The following CNTLN variants were observed in gnomAD, a reference collection of about 807,000 sequenced individuals.
CNTLN encodes centlein.
A neutral mutation model predicts 180.0 loss-of-function variants in CNTLN; 212 were observed. The ratio of observed to expected loss-of-function variants is 1.18; its 90% CI spans 1.05 to 1.32. The LOEUF (loss-of-function observed/expected upper bound fraction) is 1.32. CNTLN is among the 40% of genes most tolerant of loss of function. The pLI is 0.00. For synonymous variants in CNTLN, 722 were observed against 563.1 expected (o/e 1.28, Z -3.99); for missense variants, 2,095 against 1,610.9 (o/e 1.30, Z -5.14).
intron 12 of CNTLN, among the ~76,000 whole-genome samples, chr9:17,361,828 G>A (rs1296721078): frequency 6.6e-6 from 1 of 152,168 alleles, no homozygotes; most frequent in Admixed American, 6.5e-5. Context: ...TTGTCCAGTG[G>A]CCGAATACAG....
chr9:17,506,723 A>G (rs1833938383), downstream of CNTLN, among the ~76,000 whole-genome samples: 1 of 26,190 alleles, frequency 3.8e-5, no homozygotes, highest in Non-Finnish European at 1.2e-4. Flanking sequence ...ATGTTCTCAA[A>G]TAACTGTAAA....
intron 13 of CNTLN, 80 bp from the exon 14 acceptor site, chr9:17,388,082 A>T: frequency 3.5e-6 from 3 of 863,346 alleles, no homozygotes; most frequent in Non-Finnish European, 5.2e-6. Flanking sequence ...GAAAAACCAT[A>T]GAACCCTTTT....
At position 17,331,338 on chromosome 9, in the gene CNTLN, A is replaced by C. The variant is rs143530660; in HGVS notation, c.1518+530A>C. Among the ~76,000 whole-genome samples, 988 of 143,104 alleles carry C rather than the reference A, an allele frequency of 6.9e-3. 7 individuals are homozygous for C. Among genetic ancestry groups the C allele is most frequent in the African/African-American group, 0.024 (952 of 39,254 alleles). 93.9% of individuals were successfully genotyped at this position (143,104 alleles called of 152,430 possible). On this transcript the variant is annotated intron_variant, in intron 9 of 25. Coordinates refer to ENST00000380647, the MANE Select transcript of CNTLN (RefSeq NM_017738.4). ...TAAGAGAAAAATAAGCAAATTTTACATGTTTCTCGTTTATTAATGTCTCAA... is the reference window on the plus strand; with the variant it reads ...TAAGAGAAAAATAAGCAAATTTTACCTGTTTCTCGTTTATTAATGTCTCAA...
intron 10 of CNTLN, among the ~76,000 whole-genome samples, chr9:17,333,296 A>C (rs1820767020): frequency 6.6e-6 from 1 of 152,060 alleles, no homozygotes; most frequent in Non-Finnish European, 1.5e-5. Flanking sequence ...AATACTTCCT[A>C]ATTCATACTT....
intron 2 of CNTLN, among the ~76,000 whole-genome samples, chr9:17,214,692 C>T (rs1023013782): frequency 6.6e-6 from 1 of 152,166 alleles, no homozygotes; most frequent in Non-Finnish European, 1.5e-5. Context: ...TCAGGTACAC[C>T]AATTAGATGT....
intron 1 of CNTLN, among the ~76,000 whole-genome samples, chr9:17,138,831 G>A (rs912979863): frequency 6.6e-5 from 10 of 152,064 alleles, no homozygotes; most frequent in Admixed American, 2.0e-4. Flanking sequence ...GTGGGACTAG[G>A]TACCCAGTGA....
At chr9:17,199,880 T>A (rs1014706475) in intron 2 of CNTLN, among the ~76,000 whole-genome samples, 12 of 152,334 alleles carry the variant, frequency 7.9e-5, no homozygotes, top group African/African-American at 2.9e-4. Context: ...TTGTTGCAAT[T>A]GCTTTTGGTG....
intron 12 of CNTLN, 106 bp from the exon 13 acceptor site, chr9:17,366,511 T>C (rs1823830919): frequency 2.0e-6 from 1 of 501,138 alleles, no homozygotes; most frequent in Admixed American, 3.8e-5. Context: ...TTAAAATATC[T>C]TTACTGACTT....
At chr9:17,306,542 A>G (rs1818729559) in intron 7 of CNTLN, among the ~76,000 whole-genome samples, 1 of 152,166 alleles carries the variant, frequency 6.6e-6, no homozygotes. Flanking sequence ...CTAAAGCCTT[A>G]TATTTGTGGA....
intron 1 of CNTLN, among the ~76,000 whole-genome samples, chr9:17,137,696 A>G (rs1817815199): frequency 6.6e-6 from 1 of 152,232 alleles, no homozygotes; most frequent in Admixed American, 6.5e-5. Flanking sequence ...GTCCATGGTC[A>G]TAAGTAGTAG....
chr9:17,421,779 T>C (rs954417164), intron 18 of CNTLN, among the ~76,000 whole-genome samples: 5 of 152,162 alleles, frequency 3.3e-5, no homozygotes, highest in African/African-American at 1.2e-4. Flanking sequence ...AAATAATGCT[T>C]TGTAACCAAT....
At chr9:17,457,210 G>A (rs1647501560) in intron 18 of CNTLN, among the ~76,000 whole-genome samples, 1 of 152,030 alleles carries the variant, frequency 6.6e-6, no homozygotes, top group South Asian at 2.1e-4. Context: ...TGAAGTCAAG[G>A]TTATCAAATA....
At chr9:17,265,095 G>T (rs1294743505) in intron 5 of CNTLN, among the ~76,000 whole-genome samples, 1 of 139,600 alleles carries the variant, frequency 7.2e-6, no homozygotes, top group East Asian at 2.2e-4. Flanking sequence ...GGAGTGGTGA[G>T]AGAGGGCATC....
At chr9:17,487,307 A>T in intron 25 of CNTLN, 1 of 462,264 alleles carries the variant, frequency 2.2e-6, no homozygotes, top group Non-Finnish European at 3.9e-6. Context: ...TAATTAAATT[A>T]TTGAGTCAAC....
chr9:17,298,078 CA>C, intron 6 of CNTLN, 111 bp from the exon 7 acceptor site: 1 of 831,058 alleles, frequency 1.2e-6, no homozygotes, highest in Non-Finnish European at 1.7e-6. Context: ...GCCTGCAGTA[CA>C]AATAACAGAT....
intron 2 of CNTLN, among the ~76,000 whole-genome samples, chr9:17,194,959 G>A (rs376782792): frequency 5.3e-5 from 8 of 152,208 alleles, no homozygotes; most frequent in Non-Finnish European, 8.8e-5. Context: ...ATCAGATCTC[G>A]TGAGACTTAT....
At chr9:17,216,898 A>G (rs1823795519) in intron 2 of CNTLN, among the ~76,000 whole-genome samples, 1 of 152,226 alleles carries the variant, frequency 6.6e-6, no homozygotes, top group African/African-American at 2.4e-5. Context: ...GCCATCTGGT[A>G]GCAATGCTGC....
intron 8 of CNTLN, among the ~76,000 whole-genome samples, chr9:17,327,263 G>T (rs1291693317): frequency 7.5e-6 from 1 of 133,760 alleles, no homozygotes; most frequent in Admixed American, 7.5e-5. Context: ...CCAGGCTGGA[G>T]GGCAGTGGCG....
chr9:17,384,296 A>G (rs1322419396), intron 13 of CNTLN, among the ~76,000 whole-genome samples: 1 of 151,644 alleles, frequency 6.6e-6, no homozygotes, highest in Admixed American at 6.6e-5. Context: ...AAATGAAAAA[A>G]AAAAAACTAC....
Sources: allele counts gnomAD v4.1 joint callset (sites outside exome capture counted in the v4.1 genomes callset), GRCh38; gene constraint gnomAD v4.1.1; transcripts MANE v1.5; gene names NCBI Gene and HGNC (gene_info 2026-07-23, HGNC 2026-07-21).